SENP6: variants seen among roughly 807,000 people sequenced by gnomAD.
The protein encoded by SENP6 is SUMO specific peptidase 6.
SENP6 carries 41 observed loss-of-function variants against 134.5 expected under a neutral mutation model. The ratio of observed to expected loss-of-function variants is 0.30; its 90% CI spans 0.24 to 0.40. The LOEUF (loss-of-function observed/expected upper bound fraction) is 0.40, where lower values mean the gene tolerates loss of function less well. SENP6 is among the 10% of genes least tolerant of loss of function. The pLI is 1.00. For missense variants in SENP6, 1,248 were observed against 1,312.5 expected, an observed-to-expected ratio of 0.95 and a Z score of 0.76; for synonymous variants, 395 against 429.8, an observed-to-expected ratio of 0.92 and a Z score of 1.00.
At chr6:75,630,534 C>G (rs1769033648) in intron 3 of SENP6, among the ~76,000 whole-genome samples, 1 of 152,166 alleles carries the variant, frequency 6.6e-6, no homozygotes, top group Non-Finnish European at 1.5e-5. Context: ...TCAGACTGCT[C>G]TGAGCTATTT....
chr6:75,708,417 TG>T (rs971031020), intron 19 of SENP6, among the ~76,000 whole-genome samples: 12 of 152,242 alleles, frequency 7.9e-5, no homozygotes, highest in African/African-American at 2.9e-4. Flanking sequence ...TTCAAATTTT[TG>T]AGAGGAAAAT....
intron 1 of SENP6, chr6:75,611,628 G>A (rs1767457395): frequency 6.6e-6 from 1 of 152,198 alleles, no homozygotes; most frequent in Non-Finnish European, 1.5e-5. Flanking sequence ...CTTATCTCAT[G>A]CAGTCATTTC....
At chr6:75,634,213 CAAAT>C (rs900585209) in intron 4 of SENP6, among the ~76,000 whole-genome samples, 12 of 152,150 alleles carry the variant, frequency 7.9e-5, no homozygotes, top group African/African-American at 2.9e-4. Flanking sequence ...TATACATAGA[CAAAT>C]GAAGTACATA....
Position 75,702,980 on chromosome 6 carries a change from A to G in SENP6, c.2624A>G (p.Asn875Ser), listed in dbSNP as rs974040493. 6.2e-6 allele frequency: 10 copies of G among 1,613,902 alleles called. No individual in the cohort carries two copies. Among genetic ancestry groups the G allele is most frequent in the Admixed American group, 1.7e-5 (1 of 60,008 alleles). Residue 875 changes from asparagine (N) to serine (S), a missense_variant, in exon 19 of 24, where the codon AAT becomes AGT. Coordinates refer to ENST00000447266, the MANE Select transcript of SENP6 (RefSeq NM_015571.4). The stretch of plus-strand genomic sequence containing the variant: ...ACTGCGAGTGAAAATGAAGAATTCA[A>G]TAAAGGAGAATCTACATCCCAGAAA... ...NHTASENEEF[N>S]KGESTSQKVA...
At chr6:75,689,918 G>A (rs1414513487) in intron 16 of SENP6, among the ~76,000 whole-genome samples, 2 of 152,090 alleles carry the variant, frequency 1.3e-5, no homozygotes, top group African/African-American at 4.8e-5. Context: ...AGAACTGAAA[G>A]CAGCGTCTTT....
At chr6:75,627,534 C>T (rs914358706) in intron 3 of SENP6, among the ~76,000 whole-genome samples, 4 of 151,994 alleles carry the variant, frequency 2.6e-5, no homozygotes, top group South Asian at 2.1e-4. Context: ...TAGGATGAAG[C>T]GGGAGGATCG....
At chr6:75,605,779 T>C (rs1484277898) in intron 1 of SENP6, among the ~76,000 whole-genome samples, 2 of 152,150 alleles carry the variant, frequency 1.3e-5, no homozygotes, top group African/African-American at 4.8e-5. Context: ...TGTAATGATA[T>C]GGTTTATCTT....
chr6:75,714,015 A>T (rs1775900120), intron 23 of SENP6, among the ~76,000 whole-genome samples, 190 bp downstream of exon 23: 1 of 152,216 alleles, frequency 6.6e-6, no homozygotes, highest in African/African-American at 2.4e-5. Flanking sequence ...TTTACAGTTC[A>T]TCAAATCCAA....
In SENP6 at chr6:75,658,225, A is replaced by G. The variant is rs116087642; in HGVS notation, c.551-1037A>G. ...TGGTGTCTAGGAAAATAGACGTGCA[A>G]ACAATGAGAGGGTGATGATCACTTA... is the stretch of plus-strand genomic sequence containing the variant. On this transcript the variant is annotated intron_variant, in intron 7 of 23. Coordinates refer to ENST00000447266, the MANE Select transcript of SENP6 (RefSeq NM_015571.4). Among the ~76,000 whole-genome samples the G allele has an allele frequency of 3.2e-3, 484 of 152,278 alleles. 4 individuals carry two copies. The highest frequency in any genetic ancestry group is 0.011 in the African/African-American group (465 of 41,564).
chr6:75,636,494 G>A lies in SENP6; in HGVS notation c.458+1683G>A, dbSNP rs932995259. 2.0e-5 allele frequency among the ~76,000 whole-genome samples: 3 copies of A among 152,126 alleles called. No homozygotes were observed. The East Asian group carries it at 5.8e-4, about 29-fold the overall frequency. ...GCTACATACCAGGCATAGATGAGGTGCATAAAGATGAATATGATAAAATCT... is the reference window on the plus strand; with the variant it reads ...GCTACATACCAGGCATAGATGAGGTACATAAAGATGAATATGATAAAATCT... On this transcript the variant is annotated intron_variant, in intron 5 of 23. Coordinates refer to ENST00000447266, the MANE Select transcript of SENP6 (RefSeq NM_015571.4).
intron 1 of SENP6, among the ~76,000 whole-genome samples, chr6:75,613,253 CACATGAAAATT>C (rs1470029046): frequency 6.6e-6 from 1 of 151,908 alleles, no homozygotes; most frequent in Non-Finnish European, 1.5e-5. Flanking sequence ...TGTTTCATGA[CACATGAAAATT>C]ACATGAAATT....
intron 8 of SENP6, 75 bp from the exon 9 acceptor site, chr6:75,663,146 C>T (rs1771909926): frequency 3.8e-5 from 51 of 1,357,008 alleles, no homozygotes; most frequent in Middle Eastern, 1.9e-4. Flanking sequence ...TTATGAACAC[C>T]GTGAATGTTC....
rs1207166647 is a variant in SENP6, at chr6:75,675,471, A to G, written c.1426+3A>G. 1 of 1,441,698 alleles carries G rather than the reference A, an allele frequency of 6.9e-7. No homozygotes were observed. Among genetic ancestry groups the G allele is most frequent in the South Asian group, 1.2e-5 (1 of 80,378 alleles). 89.3% of individuals were successfully genotyped at this position (1,441,698 alleles called of 1,614,324 possible). ...TTTTATCAAGATACAGCTAGACGGT[A>G]AGCTATTTTATGTCTTTTTACTTAC... On this transcript the variant is annotated splice_donor_region_variant and intron_variant, in intron 12 of 23. Transcript: ENST00000447266.
At chr6:75,701,015 G>A (rs1262353305) in intron 18 of SENP6, among the ~76,000 whole-genome samples, 1 of 152,184 alleles carries the variant, frequency 6.6e-6, no homozygotes, top group Admixed American at 6.6e-5. Flanking sequence ...GATGAAGCCA[G>A]CCAGCCTATG....
intron 7 of SENP6, chr6:75,654,924 G>C (rs1271492776): frequency 2.0e-5 from 3 of 152,164 alleles, no homozygotes; most frequent in Admixed American, 6.5e-5. Context: ...TGTCCATCTA[G>C]TCATCCCTTA....
rs551278322 is a variant in SENP6 at position 75,675,423 on chromosome 6, C to CTT, written c.1393-4_1393-3dup. The CTT allele has an allele frequency of 4.4e-6, 6 of 1,355,670 alleles. No homozygotes were observed. The highest frequency in any genetic ancestry group is 3.9e-5 in the South Asian group (3 of 76,904). 84.0% of individuals were successfully genotyped at this position (1,355,670 alleles called of 1,614,324 possible). A position where few individuals can be genotyped will look rare whatever the true frequency, so the allele number is the denominator to read the frequency against. ...TAAGTCTAGAGCAATACTAATTCAT[C>CTT]TTTTTTTTTAGTTTTGTTTAGATTT... On this transcript the variant is annotated splice_polypyrimidine_tract_variant and intron_variant, in intron 11 of 23. Coordinates refer to ENST00000447266, the MANE Select transcript of SENP6 (RefSeq NM_015571.4).
chr6:75,623,786 C>A, intron 2 of SENP6, 114 bp from the exon 3 acceptor site: 2 of 816,896 alleles, frequency 2.4e-6, no homozygotes, highest in Non-Finnish European at 3.8e-6. Context: ...TGGCCCTTTA[C>A]AGAAAAAGTT....
intron 18 of SENP6, among the ~76,000 whole-genome samples, chr6:75,698,246 A>G (rs1452228164): frequency 2.0e-5 from 3 of 152,206 alleles, no homozygotes; most frequent in Non-Finnish European, 2.9e-5. Context: ...CTTGAGTGAT[A>G]TGGGGGAGGG....
At position 75,715,596 on chromosome 6, in the gene SENP6, CA is replaced by C; in HGVS notation, c.*3del. On this transcript the variant is annotated 3_prime_UTR_variant, in exon 24 of 24. Coordinates refer to ENST00000447266, the MANE Select transcript of SENP6 (RefSeq NM_015571.4). Reference sequence around the variant, plus strand: ...TATGTCAATAGTATCTCAGATTGACCATTTCTGTTACTTGTCATTTCTACTT... The same window carrying C: ...TATGTCAATAGTATCTCAGATTGACCTTTCTGTTACTTGTCATTTCTACTT... 2 of 1,595,718 alleles carry C rather than the reference CA, an allele frequency of 1.3e-6. No individual in the cohort carries two copies. The highest frequency in any genetic ancestry group is 1.7e-6 in the Non-Finnish European group (2 of 1,168,120).
Sources: gnomAD v4.1 joint callset for allele counts (sites outside exome capture counted in the v4.1 genomes callset) on GRCh38, gnomAD v4.1.1 for gene constraint, MANE v1.5 for transcripts, NCBI Gene and HGNC (gene_info 2026-07-23, HGNC 2026-07-21) for gene names.